PDE4D: variants seen among roughly 807,000 people sequenced by gnomAD.
The protein encoded by PDE4D is phosphodiesterase 4D.
A neutral mutation model predicts 87.4 loss-of-function variants in PDE4D; 24 were observed. The observed-to-expected ratio is 0.27, with a 90% CI of 0.20 to 0.39. PDE4D has a LOEUF of 0.39. Among genes scored for constraint, PDE4D ranks in the 10% least tolerant of loss-of-function variants. PDE4D has a pLI of 1.00. For synonymous variants in PDE4D, 384 were observed against 383.2 expected (o/e 1.00, Z -0.02); for missense variants, 714 against 1,041.0 (o/e 0.69, Z 4.32).
intron 2 of PDE4D, among the ~76,000 whole-genome samples, chr5:59,197,318 G>T (rs1426865043): frequency 6.6e-6 from 1 of 151,950 alleles, no homozygotes; most frequent in Admixed American, 6.6e-5. Flanking sequence ...AAAGCATAAA[G>T]ACAGTTATCA....
At chr5:58,997,695 G>A (rs1260442055) in intron 6 of PDE4D, among the ~76,000 whole-genome samples, 1 of 151,876 alleles carries the variant, frequency 6.6e-6, no homozygotes, top group Non-Finnish European at 1.5e-5. Flanking sequence ...GGATTTCTAA[G>A]TGAATGCTTT....
intron 1 of PDE4D, among the ~76,000 whole-genome samples, chr5:59,792,738 C>T (rs1765957433): frequency 6.6e-6 from 1 of 152,070 alleles, no homozygotes; most frequent in Non-Finnish European, 1.5e-5. Flanking sequence ...ATGGGTTTGG[C>T]ATCATGTAAA....
intron 1 of PDE4D, among the ~76,000 whole-genome samples, chr5:59,697,464 T>G (rs917909162): frequency 6.6e-6 from 1 of 152,178 alleles, no homozygotes; most frequent in Non-Finnish European, 1.5e-5. Flanking sequence ...CTATGTTCTA[T>G]GTACTACAGG....
At chr5:59,441,842 C>G (rs1797664951) in intron 1 of PDE4D, among the ~76,000 whole-genome samples, 1 of 152,162 alleles carries the variant, frequency 6.6e-6, no homozygotes, top group Non-Finnish European at 1.5e-5. Flanking sequence ...TATTTACTAT[C>G]TCTTTATGTT....
At chr5:59,602,821 T>C (rs145256061) in intron 1 of PDE4D, among the ~76,000 whole-genome samples, 1 of 152,202 alleles carries the variant, frequency 6.6e-6, no homozygotes, top group Non-Finnish European at 1.5e-5. Flanking sequence ...AACAGCATCG[T>C]ACTTACATAA....
At chr5:59,335,839 C>T (rs2153579256) in intron 1 of PDE4D, among the ~76,000 whole-genome samples, 1 of 152,204 alleles carries the variant, frequency 6.6e-6, no homozygotes, top group African/African-American at 2.4e-5. Context: ...TCAAAAGACT[C>T]CAGAAATAAG....
At chr5:59,191,001 G>A (rs6882204) in intron 3 of PDE4D, among the ~76,000 whole-genome samples, 137,028 of 152,178 alleles carry the variant, frequency 0.9, 62,600 homozygotes, top group Non-Finnish European at 0.98. Context: ...CTAATCATAA[G>A]CAAAGACTTA....
intron 1 of PDE4D, among the ~76,000 whole-genome samples, chr5:60,465,725 T>C (rs1360453385): frequency 6.6e-6 from 1 of 152,138 alleles, no homozygotes; most frequent in African/African-American, 2.4e-5. Flanking sequence ...ATGCATTTAA[T>C]ATACCTATCC....
Position 59,754,797 on chromosome 5 carries a change from ATT to A in PDE4D, c.455+138369_455+138370del, listed in dbSNP as rs754869518. On this transcript the variant is annotated intron_variant, in intron 1 of 14. Transcript: ENST00000340635. ...GCAGGTACAGAATTTTCCACAGAAC[ATT>A]TTTTTTTTTTTTTTTTTTTTTTTTT... Among the ~76,000 whole-genome samples the A allele has an allele frequency of 9.7e-3, 943 of 96,862 alleles. 88 individuals are homozygous for A. Among genetic ancestry groups the A allele is most frequent in the African/African-American group, 0.029 (699 of 24,082 alleles). 63.5% of individuals were successfully genotyped at this position (96,862 alleles called of 152,430 possible).
chr5:59,113,553 C>T (rs1341077873), intron 5 of PDE4D, among the ~76,000 whole-genome samples: 1 of 152,142 alleles, frequency 6.6e-6, no homozygotes, highest in Non-Finnish European at 1.5e-5. Context: ...CACTATCTAT[C>T]AAAATTTCTG....
chr5:60,000,933 G>A (rs926358816), intron 2 of PDE4D, among the ~76,000 whole-genome samples: 6 of 152,108 alleles, frequency 3.9e-5, no homozygotes, highest in Non-Finnish European at 7.4e-5. Flanking sequence ...AGACAGGCTT[G>A]CCAAACTTGG....
intron 1 of PDE4D, among the ~76,000 whole-genome samples, chr5:59,577,129 A>C (rs1823303261): frequency 6.6e-6 from 1 of 152,178 alleles, no homozygotes; most frequent in Non-Finnish European, 1.5e-5. Context: ...GGATATATGA[A>C]AAAGGAAGGG....
At chr5:59,888,630 T>TCCAATATG (rs1371517011) in intron 1 of PDE4D, among the ~76,000 whole-genome samples, 1 of 152,298 alleles carries the variant, frequency 6.6e-6, no homozygotes, top group South Asian at 2.1e-4. Context: ...ATGTCAGTTT[T>TCCAATATG]CCAATATGCT....
intron 1 of PDE4D, among the ~76,000 whole-genome samples, chr5:60,262,035 C>T (rs576150384): frequency 6.6e-6 from 1 of 152,140 alleles, no homozygotes; most frequent in Non-Finnish European, 1.5e-5. Flanking sequence ...CTTCACCAAC[C>T]TTCTACCTCA....
chr5:59,771,469 GAAAGAAAGAA>G lies in PDE4D; in HGVS notation c.455+121689_455+121698del, dbSNP rs777309709. On this transcript the variant is annotated intron_variant, in intron 1 of 14. Coordinates refer to ENST00000340635, the MANE Select transcript of PDE4D (RefSeq NM_001104631.2). Reference sequence around the variant, plus strand: ...AGAAAGAAAGAAAGAAAGAAAGAAAGAAAGAAAGAAAGAAAGAGAGAGAGAGAGAGAAGAA... The same window carrying G: ...AGAAAGAAAGAAAGAAAGAAAGAAAGAGAAAGAGAGAGAGAGAGAGAAGAA... Among the ~76,000 whole-genome samples, 210 of 88,944 alleles carry G rather than the reference GAAAGAAAGAA, an allele frequency of 2.4e-3. 3 individuals carry two copies. Among genetic ancestry groups the G allele is most frequent in the Middle Eastern group, 5.5e-3 (1 of 182 alleles). The allele number at this position is 88,944 out of a possible 152,430, so 58.4% of individuals were successfully genotyped here. A position where few individuals can be genotyped will look rare whatever the true frequency, so the allele number is the denominator to read the frequency against.
chr5:59,651,870 T>C lies in PDE4D; in HGVS notation c.455+241298A>G, dbSNP rs141593960. Among the ~76,000 whole-genome samples, 368 of 152,312 alleles carry C rather than the reference T, an allele frequency of 2.4e-3. 1 individual carries two copies. Among genetic ancestry groups the C allele is most frequent in the African/African-American group, 8.4e-3 (348 of 41,570 alleles). Reference sequence around the variant, plus strand: ...TGATGTGAAGATTCCCCTTCAAGAATGAAAGACTCATTTTCCTAGATTCTA... The same window carrying C: ...TGATGTGAAGATTCCCCTTCAAGAACGAAAGACTCATTTTCCTAGATTCTA... On this transcript the variant is annotated intron_variant, in intron 1 of 14. Coordinates refer to ENST00000340635, the MANE Select transcript of PDE4D (RefSeq NM_001104631.2).
intron 1 of PDE4D, among the ~76,000 whole-genome samples, chr5:59,480,874 G>A (rs1255840548): frequency 1.3e-5 from 2 of 152,034 alleles, no homozygotes; most frequent in Non-Finnish European, 2.9e-5. Context: ...AACAATTTAT[G>A]TTATTCTCCT....
chr5:59,770,748 C>T (rs544439917), intron 1 of PDE4D, among the ~76,000 whole-genome samples: 29 of 152,162 alleles, frequency 1.9e-4, no homozygotes, highest in Admixed American at 1.8e-3. Flanking sequence ...TAGAAAAAAT[C>T]TCTAGTTTCT....
chr5:59,893,541 C>T lies in PDE4D; in HGVS notation c.82G>A (p.Ala28Thr). Reference protein sequence around the residue: ...SDSAGGATLKAPKHLWRHEQH... With the variant: ...SDSAGGATLKTPKHLWRHEQH... ...TCGTGCCTCCAGAGATGCTTGGGGG[C>T]TTTGAGCGTGGCCCCGCCGGCGCTG... Residue 28 changes from alanine (A) to threonine (T), a missense_variant, in exon 1 of 15, where the codon GCC (alanine) becomes ACC (threonine). This residue lies in a region of PDE4D where 268 missense variants were observed against 272.9 expected (regional missense o/e 0.98). Coordinates refer to ENST00000340635, the MANE Select transcript of PDE4D (RefSeq NM_001104631.2). 1 of 1,540,366 alleles carries T rather than the reference C, an allele frequency of 6.5e-7. No homozygotes were observed.
Sources: gnomAD v4.1 joint callset for allele counts (sites outside exome capture counted in the v4.1 genomes callset) on GRCh38, gnomAD v4.1.1 for gene constraint, gnomAD v4.1.1 regional missense constraint, MANE v1.5 for transcripts, NCBI Gene and HGNC (gene_info 2026-07-23, HGNC 2026-07-21) for gene names.